Variants in ARHGAP23 observed in about 807,000 individuals in gnomAD.
The protein encoded by ARHGAP23 is Rho GTPase activating protein 23, also known as rho GTPase-activating protein 23.
Under a neutral mutation model 136.3 loss-of-function variants are expected in ARHGAP23, and 34 were observed. That is an observed-to-expected ratio of 0.25 (90% CI 0.19 to 0.33). The LOEUF (loss-of-function observed/expected upper bound fraction) is 0.33, where lower values mean the gene tolerates loss of function less well. Ranked by LOEUF, ARHGAP23 falls within the 10% of genes least tolerant of loss-of-function variation. ARHGAP23 has a pLI of 1.00. For synonymous variants in ARHGAP23, 832 were observed against 920.5 expected, an observed-to-expected ratio of 0.90 and a Z score of 1.74; for missense variants, 1,808 against 2,139.0, an observed-to-expected ratio of 0.85 and a Z score of 3.05.
At chr17:38,488,698 A>G (rs1380717216) in intron 17 of ARHGAP23, among the ~76,000 whole-genome samples, 1 of 151,820 alleles carries the variant, frequency 6.6e-6, no homozygotes, top group Admixed American at 6.6e-5. Flanking sequence ...ACAGGTGCCC[A>G]CCATCATGCC....
chr17:38,422,087 G>A (rs1871556996), intron 1 of ARHGAP23, among the ~76,000 whole-genome samples: 1 of 152,150 alleles, frequency 6.6e-6, no homozygotes, highest in Admixed American at 6.6e-5. Context: ...TCCTGAGCTG[G>A]AATGAACTCC....
intron 16 of ARHGAP23, among the ~76,000 whole-genome samples, chr17:38,483,634 C>T (rs1356120658): frequency 7.9e-5 from 12 of 152,266 alleles, no homozygotes; most frequent in African/African-American, 2.9e-4. Context: ...CGTGAAGGCT[C>T]ATGGAATACA....
At position 38,510,657 on chromosome 17, in the gene ARHGAP23, C is replaced by T. The variant is rs1039911495; in HGVS notation, c.4161C>T (p.Arg1387=). The T allele has an allele frequency of 1.2e-5, 16 of 1,382,474 alleles. No individual in the cohort carries two copies. Among genetic ancestry groups the T allele is most frequent in the Non-Finnish European group, 1.4e-5 (15 of 1,077,082 alleles). 85.6% of individuals were successfully genotyped at this position (1,382,474 alleles called of 1,614,324 possible). ...RGTADDMLAV[R]LRRPLSPETR... is the part of the protein sequence containing the mutation. ...CGGCGGACGACATGCTCGCCGTGCG[C>T]CTGCGGCGGCCGCTGTCGCCCGAGA... The change falls in exon 24 of 24, where the codon CGC becomes CGT. Residue 1387 remains arginine (R), a synonymous_variant. Coordinates refer to ENST00000622683, the MANE Select transcript of ARHGAP23 (RefSeq NM_001199417.2). This position sits in a 1 kb window ranked among gnomAD's most constrained non-coding sequence, Gnocchi z 4.6.
At chr17:38,461,514 G>T (rs1197131974) in intron 3 of ARHGAP23, among the ~76,000 whole-genome samples, 1 of 152,210 alleles carries the variant, frequency 6.6e-6, no homozygotes, top group African/African-American at 2.4e-5. Context: ...CTCTGCCACT[G>T]GGGCTTTCGC....
At chr17:38,489,031 A>G (rs1377102232) in intron 17 of ARHGAP23, among the ~76,000 whole-genome samples, 1 of 151,704 alleles carries the variant, frequency 6.6e-6, no homozygotes, top group African/African-American at 2.4e-5. Flanking sequence ...GCCTACCACC[A>G]TGCCCAGTTA....
chr17:38,474,657 T>TG (rs2039846975), intron 11 of ARHGAP23, among the ~76,000 whole-genome samples: 1 of 152,092 alleles, frequency 6.6e-6, no homozygotes, highest in Admixed American at 6.5e-5. Context: ...GAGGCCCACC[T>TG]GGGGATGGCC....
chr17:38,447,568 G>C (rs1303243729), intron 1 of ARHGAP23, among the ~76,000 whole-genome samples: 4 of 152,118 alleles, frequency 2.6e-5, no homozygotes, highest in Non-Finnish European at 5.9e-5. Context: ...CAGTCTAAGG[G>C]GGAGACTCAG....
At chr17:38,506,677 G>A (rs546861528) in intron 23 of ARHGAP23, among the ~76,000 whole-genome samples, 1 of 152,154 alleles carries the variant, frequency 6.6e-6, no homozygotes, top group African/African-American at 2.4e-5. Context: ...AAGCCCTCTG[G>A]TGTCCCTTCT....
chr17:38,489,420 TC>T (rs1567819384), intron 17 of ARHGAP23, among the ~76,000 whole-genome samples: 2 of 129,068 alleles, frequency 1.5e-5, no homozygotes, highest in South Asian at 5.6e-4. Flanking sequence ...CCCCCATCCT[TC>T]CCCCCGATTG....
rs970598752 is a variant in ARHGAP23, at chr17:38,477,837, C to T, written c.2377C>T (p.Arg793Trp). 7.7e-6 allele frequency: 12 copies of T among 1,549,506 alleles called. No homozygotes were observed. Among genetic ancestry groups the T allele is most frequent in the African/African-American group, 2.7e-5 (2 of 72,946 alleles). The stretch of plus-strand genomic sequence containing the variant: ...TGAATATCTCTTTCAGGCTGAGGAC[C>T]GGGATGACATGCTGGGCTGGATCAG... ...FCEYLFQAED[R>W]DDMLGWIRAI... Residue 793 changes from arginine (R) to tryptophan (W), a missense_variant, in exon 12 of 24, where the codon CGG (arginine) becomes TGG (tryptophan). Coordinates refer to ENST00000622683, the MANE Select transcript of ARHGAP23 (RefSeq NM_001199417.2). This position sits in a 1 kb window ranked among gnomAD's most constrained non-coding sequence, Gnocchi z 6.6.
intron 1 of ARHGAP23, among the ~76,000 whole-genome samples, chr17:38,446,559 A>G (rs1046296875): frequency 3.3e-5 from 5 of 151,366 alleles, no homozygotes; most frequent in East Asian, 1.9e-4. Context: ...GTTGTTGTGG[A>G]TATATACCCA....
At chr17:38,487,920 GAC>G (rs1416052475) in intron 17 of ARHGAP23, among the ~76,000 whole-genome samples, 1 of 152,000 alleles carries the variant, frequency 6.6e-6, no homozygotes, top group East Asian at 1.9e-4. Flanking sequence ...ACTATTATTT[GAC>G]ACAGAATCTT....
chr17:38,506,589 G>A (rs1397800806), intron 23 of ARHGAP23, among the ~76,000 whole-genome samples: 1 of 152,168 alleles, frequency 6.6e-6, no homozygotes, highest in African/African-American at 2.4e-5. Context: ...TGCCTGTCTT[G>A]TAGATGGTAG....
Position 38,510,291 on chromosome 17 carries a change from C to G in ARHGAP23, c.3795C>G (p.Ser1265Arg), listed in dbSNP as rs1238171859. Residue 1265 changes from serine (S) to arginine (R), a missense_variant, in exon 24 of 24, where the codon AGC becomes AGG. By Grantham distance (110) the Ser-to-Arg change is moderately radical. Coordinates refer to ENST00000622683, the MANE Select transcript of ARHGAP23 (RefSeq NM_001199417.2). This position sits in a 1 kb window ranked among gnomAD's most constrained non-coding sequence, Gnocchi z 4.6. Reference protein sequence around the residue: ...TMDRSVCSGASGRRAGAGDEA... With the variant: ...TMDRSVCSGARGRRAGAGDEA... ...ACCGCAGCGTGTGCTCGGGCGCTAG[C>G]GGTCGGCGGGCAGGGGCGGGGGATG... The G allele has an allele frequency of 3.1e-6, 4 of 1,287,080 alleles. No individual in the cohort carries two copies. Among genetic ancestry groups the G allele is most frequent in the Non-Finnish European group, 3.9e-6 (4 of 1,017,550 alleles). The allele number at this position is 1,287,080 out of a possible 1,614,324, so 79.7% of individuals were successfully genotyped here. A position where few individuals can be genotyped will look rare whatever the true frequency, so the allele number is the denominator to read the frequency against.
intron 20 of ARHGAP23, among the ~76,000 whole-genome samples, chr17:38,493,185 C>T (rs1054339031): frequency 6.8e-6 from 1 of 147,456 alleles, no homozygotes; most frequent in African/African-American, 2.5e-5. Flanking sequence ...TTCTCTCTCT[C>T]TCTTTTCGCT....
At chr17:38,427,532 G>A (rs1002422897), upstream of ARHGAP23, among the ~76,000 whole-genome samples, 3 of 152,210 alleles carry the variant, frequency 2.0e-5, no homozygotes, top group African/African-American at 7.2e-5. Flanking sequence ...GGGCTGGAGG[G>A]GGTCCTTCTG....
intron 4 of ARHGAP23, 26 bp downstream of exon 4, chr17:38,462,967 C>T: frequency 4.5e-6 from 7 of 1,543,476 alleles, no homozygotes; most frequent in Non-Finnish European, 6.1e-6. Flanking sequence ...TACCTGGGCT[C>T]TACTTTCTAC....
chr17:38,494,532 C>G (rs2040347678), intron 20 of ARHGAP23, among the ~76,000 whole-genome samples: 1 of 151,902 alleles, frequency 6.6e-6, no homozygotes, highest in Non-Finnish European at 1.5e-5. Flanking sequence ...AAACTGCACT[C>G]CAGCCTGGGT....
At chr17:38,464,989 G>C (rs2039552252) in intron 6 of ARHGAP23, among the ~76,000 whole-genome samples, 1 of 152,082 alleles carries the variant, frequency 6.6e-6, no homozygotes, top group South Asian at 2.1e-4. Flanking sequence ...AGCCAGCCGA[G>C]AGAGAGTCGG....
Sources: allele counts gnomAD v4.1 joint callset (sites outside exome capture counted in the v4.1 genomes callset), GRCh38; gene constraint gnomAD v4.1.1; non-coding constraint Gnocchi (gnomAD v3.1); transcripts MANE v1.5; gene names NCBI Gene and HGNC (gene_info 2026-07-23, HGNC 2026-07-21).